FOCAD: variants seen among roughly 807,000 people sequenced by gnomAD.
FOCAD encodes the protein focadhesin.
FOCAD carries 198 observed loss-of-function variants against 225.6 expected under a neutral mutation model. The observed-to-expected ratio is 0.88, with a 90% confidence interval of 0.78 to 0.99. The LOEUF is 0.99. Ranked by LOEUF, FOCAD falls within the 50% of genes least tolerant of loss-of-function variation. FOCAD has a pLI of 0.00. For missense variants in FOCAD, 2,713 were observed against 2,123.6 expected, an observed-to-expected ratio of 1.28 and a Z score of -5.46; for synonymous variants, 897 against 755.0, an observed-to-expected ratio of 1.19 and a Z score of -3.08.
At chr9:20,687,413 T>C (rs2131328459) in intron 1 of FOCAD, among the ~76,000 whole-genome samples, 1 of 152,326 alleles carries the variant, frequency 6.6e-6, no homozygotes, top group African/African-American at 2.4e-5. Context: ...GTTGTAACTG[T>C]AGTTTTATGA....
intron 15 of FOCAD, among the ~76,000 whole-genome samples, chr9:20,847,081 A>G (rs912824591): frequency 1.3e-5 from 2 of 152,104 alleles, no homozygotes. Flanking sequence ...GATAAAATTT[A>G]TATATAATAC....
intron 11 of FOCAD, among the ~76,000 whole-genome samples, chr9:20,804,590 A>G (rs1456164415): frequency 6.6e-6 from 1 of 151,660 alleles, no homozygotes; most frequent in African/African-American, 2.4e-5. Flanking sequence ...TTCTAATCGG[A>G]TGAATTGTCT....
intron 5 of FOCAD, among the ~76,000 whole-genome samples, chr9:20,756,286 A>G (rs780299532): frequency 2.0e-5 from 3 of 152,178 alleles, no homozygotes; most frequent in Non-Finnish European, 2.9e-5. Context: ...AGTACATGAT[A>G]GGTTAGGTGA....
intron 19 of FOCAD, among the ~76,000 whole-genome samples, chr9:20,878,093 G>C (rs565904917): frequency 6.6e-6 from 1 of 151,836 alleles, no homozygotes; most frequent in Admixed American, 6.6e-5. Context: ...AGTCAGTGTT[G>C]TGATAATGCA....
At chr9:20,812,310 T>C (rs943080767) in intron 11 of FOCAD, among the ~76,000 whole-genome samples, 2 of 151,928 alleles carry the variant, frequency 1.3e-5, no homozygotes, top group African/African-American at 4.8e-5. Context: ...GCTATCATAT[T>C]TTTTTAAAAA....
intron 21 of FOCAD, among the ~76,000 whole-genome samples, chr9:20,897,694 C>A (rs551647291): frequency 6.6e-6 from 1 of 151,806 alleles, no homozygotes; most frequent in South Asian, 2.1e-4. Context: ...TCATTGCTGT[C>A]ATTCATTTCA....
Position 20,952,968 on chromosome 9 carries a change from A to G in FOCAD, c.4052-17A>G, listed in dbSNP as rs576078109. The stretch of plus-strand genomic sequence containing the variant: ...GCCAAGTTCACTGGTTAATTTGATC[A>G]TTTTCTGTCTCCACAGTTCCTACTG... On this transcript the variant is annotated splice_polypyrimidine_tract_variant and intron_variant, in intron 34 of 43. Coordinates refer to ENST00000338382, the MANE Select transcript of FOCAD (RefSeq NM_001375567.1). The G allele has an allele frequency of 1.4e-5, 23 of 1,607,064 alleles. No individual in the cohort carries two copies. In the South Asian group the frequency reaches 2.1e-4, roughly 15 times the overall value.
At chr9:20,881,790 T>G (rs1830684957) in intron 19 of FOCAD, 81 bp from the exon 20 acceptor site, 1 of 1,383,830 alleles carries the variant, frequency 7.2e-7, no homozygotes, top group African/African-American at 1.5e-5. Context: ...CTTAGTTGTT[T>G]GTATATGAGT....
At chr9:20,830,084 T>A (rs1182516730) in intron 15 of FOCAD, among the ~76,000 whole-genome samples, 2 of 152,066 alleles carry the variant, frequency 1.3e-5, no homozygotes, top group African/African-American at 4.8e-5. Flanking sequence ...CTTAATACAG[T>A]TTTTATTAAG....
At chr9:20,898,991 T>C (rs1832339721) in intron 21 of FOCAD, among the ~76,000 whole-genome samples, 1 of 151,842 alleles carries the variant, frequency 6.6e-6, no homozygotes, top group Non-Finnish European at 1.5e-5. Flanking sequence ...TGGGATAGGA[T>C]GGCTAGAATG....
chr9:20,710,270 A>G (rs546135045), intron 1 of FOCAD, among the ~76,000 whole-genome samples: 1 of 128,660 alleles, frequency 7.8e-6, no homozygotes, highest in African/African-American at 2.9e-5. Flanking sequence ...AACATGTTAC[A>G]TTTTGCCTGT....
At chr9:20,924,496 T>C (rs1834757649) in intron 25 of FOCAD, among the ~76,000 whole-genome samples, 1 of 152,220 alleles carries the variant, frequency 6.6e-6, no homozygotes, top group Non-Finnish European at 1.5e-5. Context: ...GCTCACCAGA[T>C]AGGATTGTTC....
rs370417190 is a variant in FOCAD at position 20,948,486 on chromosome 9, C to T, written c.3798+93C>T. ...TTTATAGGAGTTGCTGAGATATATA[C>T]GTTAATGGTAAAAGAATAGGCAATT... On this transcript the variant is annotated intron_variant, in intron 31 of 43. Coordinates refer to ENST00000338382, the MANE Select transcript of FOCAD (RefSeq NM_001375567.1). The T allele has an allele frequency of 1.7e-4, 223 of 1,344,648 alleles. No individual in the cohort carries two copies. The Middle Eastern group carries it at 1.7e-3, about 10-fold the overall frequency. The allele number at this position is 1,344,648 out of a possible 1,614,324, so 83.3% of individuals were successfully genotyped here.
At chr9:20,873,538 C>A (rs1829979355) in intron 18 of FOCAD, among the ~76,000 whole-genome samples, 1 of 152,130 alleles carries the variant, frequency 6.6e-6, no homozygotes, top group African/African-American at 2.4e-5. Flanking sequence ...TGATTCCGCC[C>A]TCTGAGAATT....
chr9:20,726,325 A>T (rs1190293825), intron 4 of FOCAD: 1 of 152,150 alleles, frequency 6.6e-6, no homozygotes, highest in Non-Finnish European at 1.5e-5. Context: ...GTGAATAAAA[A>T]ATCTTGCTCT....
rs190010839 is a variant in FOCAD at position 20,946,069 on chromosome 9, C to T, written c.3556-632C>T. Among the ~76,000 whole-genome samples, 8 of 140,644 alleles carry T rather than the reference C, an allele frequency of 5.7e-5. No homozygotes were observed. In the East Asian group the frequency reaches 1.7e-3, roughly 29 times the overall value. The allele number at this position is 140,644 out of a possible 152,430, so 92.3% of individuals were successfully genotyped here. ...TCCATTCCCACCATTGTTTTTTACCCATATTTTATTTATTCATTCATTCAT... is the reference window on the plus strand; with the variant it reads ...TCCATTCCCACCATTGTTTTTTACCTATATTTTATTTATTCATTCATTCAT... On this transcript the variant is annotated intron_variant, in intron 29 of 43. Coordinates refer to ENST00000338382, the MANE Select transcript of FOCAD (RefSeq NM_001375567.1).
At chr9:20,700,501 T>TTGCACTA (rs1823856277) in intron 1 of FOCAD, among the ~76,000 whole-genome samples, 1 of 151,764 alleles carries the variant, frequency 6.6e-6, no homozygotes, top group Non-Finnish European at 1.5e-5. Context: ...AAGTTCACCT[T>TTGCACTA]TGCACTATCT....
intron 2 of FOCAD, among the ~76,000 whole-genome samples, chr9:20,665,078 A>G (rs1177245413): frequency 6.6e-6 from 1 of 152,120 alleles, no homozygotes. Context: ...GTACTCCAGT[A>G]TGGGGGTATT....
intron 14 of FOCAD, among the ~76,000 whole-genome samples, chr9:20,822,532 T>A (rs80211542): frequency 6.6e-6 from 1 of 152,010 alleles, no homozygotes; most frequent in Non-Finnish European, 1.5e-5. Flanking sequence ...ATCCTTATCA[T>A]CATTATGATA....
Sources: allele counts gnomAD v4.1 joint callset (sites outside exome capture counted in the v4.1 genomes callset), GRCh38; gene constraint gnomAD v4.1.1; transcripts MANE v1.5; gene names NCBI Gene and HGNC (gene_info 2026-07-23, HGNC 2026-07-21).